LPCAT2: variants seen among roughly 807,000 people sequenced by gnomAD.
LPCAT2 encodes 1-AGP acyltransferase 11.
A neutral mutation model predicts 64.7 loss-of-function variants in LPCAT2; 58 were observed. That is an observed-to-expected ratio of 0.90 (90% CI 0.73 to 1.12). The LOEUF (loss-of-function observed/expected upper bound fraction) is 1.12. LPCAT2 is among the 50% of genes most tolerant of loss of function. The probability of loss-of-function intolerance (pLI) is 0.00; values close to 1 mark genes in which losing one functional copy is unlikely to be tolerated. For missense variants in LPCAT2, 579 were observed against 669.8 expected (o/e 0.86, Z 1.50); for synonymous variants, 252 against 245.3 (o/e 1.03, Z -0.26).
At chr16:55,540,785 G>A (rs994478489) in intron 8 of LPCAT2, 1 of 204,536 alleles carries the variant, frequency 4.9e-6, no homozygotes, top group Non-Finnish European at 9.9e-6. Context: ...GAAACTGCAA[G>A]AAATACCAAA....
intron 11 of LPCAT2, among the ~76,000 whole-genome samples, chr16:55,572,944 C>CA (rs377382123): frequency 5.9e-4 from 90 of 152,036 alleles, no homozygotes; most frequent in African/African-American, 2.1e-3. Context: ...AAAGGAAAAA[C>CA]AAAAAACAAA....
chr16:55,578,372 C>T (rs1295947312), intron 12 of LPCAT2, among the ~76,000 whole-genome samples: 1 of 152,146 alleles, frequency 6.6e-6, no homozygotes, highest in Non-Finnish European at 1.5e-5. Context: ...GGCGCTTGTT[C>T]TGTTTTCCCA....
At chr16:55,522,448 T>C (rs1258532326) in intron 1 of LPCAT2, among the ~76,000 whole-genome samples, 1 of 151,730 alleles carries the variant, frequency 6.6e-6, no homozygotes, top group Non-Finnish European at 1.5e-5. Flanking sequence ...GTAAAAATCC[T>C]AACAGGTTTT....
At chr16:55,554,632 G>T (rs1277381324) in intron 11 of LPCAT2, among the ~76,000 whole-genome samples, 1 of 152,246 alleles carries the variant, frequency 6.6e-6, no homozygotes, top group Non-Finnish European at 1.5e-5. Context: ...GTGTTCACTG[G>T]GGTAGCACTT....
chr16:55,567,053 T>C, intron 11 of LPCAT2: 2 of 1,613,852 alleles, frequency 1.2e-6, no homozygotes, highest in Non-Finnish European at 1.7e-6. Context: ...GTGCCACTGA[T>C]CTGATGAATA....
chr16:55,537,774 T>A (rs1198509695), intron 8 of LPCAT2, 142 bp downstream of exon 8: 2 of 645,666 alleles, frequency 3.1e-6, no homozygotes, highest in Admixed American at 6.0e-5. Context: ...CTGTCAGATT[T>A]AGCCCTTGAA....
intron 11 of LPCAT2, chr16:55,567,395 G>C (rs1470949970): frequency 1.9e-6 from 3 of 1,613,824 alleles, no homozygotes; most frequent in African/African-American, 1.3e-5. Flanking sequence ...TCAGCTGCTT[G>C]GTCCGCCTGG....
At chr16:55,573,393 T>TG (rs1283430534) in intron 11 of LPCAT2, among the ~76,000 whole-genome samples, 1 of 123,698 alleles carries the variant, frequency 8.1e-6, no homozygotes, top group Non-Finnish European at 1.9e-5. Context: ...TTTGTTTTTT[T>TG]GTTTTTTTTT....
intron 13 of LPCAT2, among the ~76,000 whole-genome samples, chr16:55,582,344 C>T (rs763977903): frequency 6.6e-5 from 10 of 152,102 alleles, no homozygotes; most frequent in Non-Finnish European, 1.5e-4. Context: ...CAGTTCACCC[C>T]TAAAGTATGT....
In LPCAT2 at chr16:55,509,198, A is replaced by T; in HGVS notation, c.17A>T (p.Gln6Leu). The T allele has an allele frequency of 7.1e-7, 1 of 1,407,298 alleles. No homozygotes were observed. Among genetic ancestry groups the T allele is most frequent in the Non-Finnish European group, 9.3e-7 (1 of 1,075,058 alleles). 87.2% of individuals were successfully genotyped at this position (1,407,298 alleles called of 1,614,324 possible). Residue 6 changes from glutamine to leucine, a missense_variant, in exon 1 of 14, where the codon CAG becomes CTG. Transcript: ENST00000262134. Reference sequence around the variant, plus strand: ...GGCTCAACTATGAGCCGGTGCGCCCAGGCGGCGGAAGTGGCGGCCACAGTG... The same window carrying T: ...GGCTCAACTATGAGCCGGTGCGCCCTGGCGGCGGAAGTGGCGGCCACAGTG... MSRCA[Q>L]AAEVAATVPG...
intron 10 of LPCAT2, among the ~76,000 whole-genome samples, chr16:55,549,862 TA>T (rs1415830432): frequency 6.6e-6 from 1 of 152,006 alleles, no homozygotes; most frequent in Non-Finnish European, 1.5e-5. Context: ...ACCTATTTTT[TA>T]AAAAAAAGGC....
At chr16:55,578,255 A>G (rs140096093) in intron 12 of LPCAT2, among the ~76,000 whole-genome samples, 1 of 152,298 alleles carries the variant, frequency 6.6e-6, no homozygotes, top group Non-Finnish European at 1.5e-5. Context: ...CCAAATTCGT[A>G]TCTCAAGACT....
intron 11 of LPCAT2, chr16:55,557,113 C>T (rs547426337): frequency 4.6e-4 from 70 of 152,174 alleles, no homozygotes; most frequent in South Asian, 1.7e-3. Flanking sequence ...AGATATAAAC[C>T]GTAACTGTTC....
At chr16:55,522,289 T>A (rs991941239) in intron 1 of LPCAT2, among the ~76,000 whole-genome samples, 7 of 151,644 alleles carry the variant, frequency 4.6e-5, no homozygotes, top group African/African-American at 1.4e-4. Flanking sequence ...CCATATAAGA[T>A]CACTACACTG....
chr16:55,536,504 A>G (rs1328434825), intron 7 of LPCAT2, among the ~76,000 whole-genome samples: 4 of 152,152 alleles, frequency 2.6e-5, no homozygotes, highest in African/African-American at 9.7e-5. Context: ...TTTTCTTTCA[A>G]ATGGAAGATT....
chr16:55,580,833 C>A (rs575418115), intron 13 of LPCAT2, among the ~76,000 whole-genome samples: 1 of 69,244 alleles, frequency 1.4e-5, no homozygotes, highest in Non-Finnish European at 2.9e-5. Flanking sequence ...CTCATAGGAG[C>A]GCATGAACCC....
chr16:55,573,350 G>GT (rs1567406740), intron 11 of LPCAT2, among the ~76,000 whole-genome samples: 1 of 151,748 alleles, frequency 6.6e-6, no homozygotes. Flanking sequence ...TGAACCTAGA[G>GT]TAGTAGGTAA....
intron 11 of LPCAT2, among the ~76,000 whole-genome samples, chr16:55,569,593 A>G (rs192105068): frequency 6.6e-6 from 1 of 152,356 alleles, no homozygotes; most frequent in Admixed American, 6.5e-5. Flanking sequence ...AGTTAAAACA[A>G]TCATCTCACA....
At chr16:55,574,255 C>A (rs1193059084) in intron 11 of LPCAT2, among the ~76,000 whole-genome samples, 1 of 152,068 alleles carries the variant, frequency 6.6e-6, no homozygotes, top group Non-Finnish European at 1.5e-5. Context: ...TGGTGTTGGT[C>A]TTTATGGCAG....
Sources: allele counts gnomAD v4.1 joint callset (sites outside exome capture counted in the v4.1 genomes callset), GRCh38; gene constraint gnomAD v4.1.1; transcripts MANE v1.5; gene names NCBI Gene and HGNC (gene_info 2026-07-23, HGNC 2026-07-21).